Variants in TNRC6C observed in about 807,000 individuals in gnomAD.
TNRC6C encodes trinucleotide repeat containing adaptor 6C.
In TNRC6C, 20 loss-of-function variants were observed where a neutral mutation model predicts 153.7. That is an observed-to-expected ratio of 0.13 (90% CI 0.09 to 0.19). TNRC6C has a LOEUF of 0.19. Among genes scored for constraint, TNRC6C ranks in the 10% least tolerant of loss-of-function variants. The pLI, the probability that TNRC6C is intolerant of heterozygous loss-of-function variation, is 1.00. For missense variants in TNRC6C, 1,987 were observed against 2,172.0 expected (o/e 0.91, Z 1.69); for synonymous variants, 811 against 841.4 (o/e 0.96, Z 0.63).
At chr17:78,080,516 C>T (rs1048234843) in intron 10 of TNRC6C, among the ~76,000 whole-genome samples, 4 of 152,186 alleles carry the variant, frequency 2.6e-5, no homozygotes, top group Non-Finnish European at 5.9e-5. Flanking sequence ...TGGCATGGCT[C>T]TGAGGCCTAA....
chr17:78,040,013 A>G (rs2072261712), intron 2 of TNRC6C, among the ~76,000 whole-genome samples: 1 of 152,244 alleles, frequency 6.6e-6, no homozygotes, highest in Admixed American at 6.5e-5. Context: ...GGGCTTCTGC[A>G]AGACAGGTAG....
chr17:77,996,098 T>C (rs1183114601), intron 1 of TNRC6C, among the ~76,000 whole-genome samples: 1 of 152,152 alleles, frequency 6.6e-6, no homozygotes, highest in African/African-American at 2.4e-5. Flanking sequence ...TCCTCCCATA[T>C]TTGTAATGGA....
exon 3 of TNRC6C, chr17:78,050,248 A>T: frequency 6.5e-7 from 1 of 1,540,882 alleles, no homozygotes; most frequent in Non-Finnish European, 8.7e-7. Flanking sequence ...AACTACAGCA[A>T]GTGAAGGAAG....
intron 9 of TNRC6C, among the ~76,000 whole-genome samples, chr17:78,078,011 G>GACAC (rs146186006): frequency 4.1e-4 from 62 of 151,742 alleles, no homozygotes; most frequent in African/African-American, 1.4e-3. Flanking sequence ...GGATGAGGTT[G>GACAC]ACACACACAC....
intron 1 of TNRC6C, among the ~76,000 whole-genome samples, chr17:77,985,143 T>G (rs550543465): frequency 6.6e-6 from 1 of 152,286 alleles, no homozygotes; most frequent in East Asian, 1.9e-4. Flanking sequence ...TACCACAAAC[T>G]TAAGAGGTTT....
In TNRC6C at chr17:78,091,412, C is replaced by T. The variant is rs183906181; in HGVS notation, c.3803-28C>T. ...GAATGAAGTCATTTAGAGGAGCAGG[C>T]GAATCCTAACCGCATCTCTCTCTTT... On this transcript the variant is annotated intron_variant, in intron 13 of 19. Transcript: ENST00000301624. The T allele has an allele frequency of 1.8e-4, 280 of 1,549,426 alleles. 1 individual carries two copies. The African/African-American group carries it at 3.4e-3, about 19-fold the overall frequency.
chr17:78,024,455 C>T (rs1278382078), intron 1 of TNRC6C, among the ~76,000 whole-genome samples: 1 of 151,996 alleles, frequency 6.6e-6, no homozygotes, highest in African/African-American at 2.4e-5. Flanking sequence ...CAAGCTTCGC[C>T]TCCCAGGTTC....
At chr17:78,040,335 A>G (rs189439072) in intron 2 of TNRC6C, among the ~76,000 whole-genome samples, 1 of 152,186 alleles carries the variant, frequency 6.6e-6, no homozygotes, top group Non-Finnish European at 1.5e-5. Flanking sequence ...TATCTTTAAA[A>G]AATAATAATA....
At chr17:77,992,106 C>T (rs1390133510) in intron 1 of TNRC6C, among the ~76,000 whole-genome samples, 1 of 152,164 alleles carries the variant, frequency 6.6e-6, no homozygotes, top group African/African-American at 2.4e-5. Context: ...TTAGTTTTTC[C>T]AAAGACTGTC....
chr17:78,008,744 A>G (rs1196814534), intron 1 of TNRC6C: 7 of 152,208 alleles, frequency 4.6e-5, no homozygotes, highest in Non-Finnish European at 8.8e-5. Context: ...ATGAAAAACA[A>G]AAGTTATATA....
intron 1 of TNRC6C, among the ~76,000 whole-genome samples, chr17:78,011,652 C>T (rs2071633715): frequency 6.6e-6 from 1 of 152,208 alleles, no homozygotes; most frequent in South Asian, 2.1e-4. Flanking sequence ...CATTTATGTA[C>T]AAGTCTTATA....
intron 1 of TNRC6C, among the ~76,000 whole-genome samples, chr17:78,025,404 C>G (rs1322194632): frequency 6.6e-6 from 1 of 152,184 alleles, no homozygotes; most frequent in African/African-American, 2.4e-5. Context: ...TATAGTTCCT[C>G]TATGTTTTCA....
At position 77,976,790 on chromosome 17, in the gene TNRC6C, G is replaced by A. The variant is rs575645264; in HGVS notation, c.-38+17522G>A. The stretch of plus-strand genomic sequence containing the variant: ...CTAAAAATACAAAAATTATCTGGGC[G>A]TGGTGGCAGGTGCTTATAATCCCAG... On this transcript the variant is annotated intron_variant, in intron 1 of 22. Coordinates refer to the TNRC6C transcript ENST00000636222. Among the ~76,000 whole-genome samples the A allele has an allele frequency of 2.7e-3, 403 of 152,000 alleles. 1 individual carries two copies. Among genetic ancestry groups the A allele is most frequent in the Non-Finnish European group, 3.3e-3 (224 of 67,964 alleles).
chr17:78,062,550 T>A (rs1240391551), intron 3 of TNRC6C, among the ~76,000 whole-genome samples: 1 of 152,248 alleles, frequency 6.6e-6, no homozygotes, highest in Admixed American at 6.5e-5. Context: ...TATATTTCTG[T>A]CTGAGCAAAA....
exon 9 of TNRC6C, chr17:78,077,190 C>T (rs759205577): frequency 2.5e-6 from 4 of 1,599,384 alleles, no homozygotes; most frequent in East Asian, 4.5e-5. Flanking sequence ...ATCAGGATGG[C>T]GGCCTCGTGG....
At chr17:78,022,895 CTTT>C (rs761533707) in intron 1 of TNRC6C, among the ~76,000 whole-genome samples, 2 of 152,082 alleles carry the variant, frequency 1.3e-5, no homozygotes, top group Non-Finnish European at 2.9e-5. Flanking sequence ...ATGTGCAGAC[CTTT>C]TTTTCTTATT....
chr17:78,091,365 T>G (rs1260073346), intron 13 of TNRC6C, 75 bp from the exon 16 acceptor site: 1 of 1,376,688 alleles, frequency 7.3e-7, no homozygotes, highest in Admixed American at 3.1e-5. Flanking sequence ...AAGACTGAAA[T>G]AGCTTCTATA....
At chr17:78,092,993 A>G (rs774463438) in exon 15 of TNRC6C, 15 of 1,613,848 alleles carry the variant, frequency 9.3e-6, no homozygotes, top group East Asian at 2.2e-5. Context: ...GATGACTCCT[A>G]TGGCCGGTAC....
intron 3 of TNRC6C, among the ~76,000 whole-genome samples, chr17:78,060,189 G>A (rs111587793): frequency 0.014 from 2,157 of 152,242 alleles, 17 homozygotes; most frequent in Middle Eastern, 0.048. Flanking sequence ...CTGTACTCTT[G>A]TATAATGAGC....
Sources: gnomAD v4.1 joint callset for allele counts (sites outside exome capture counted in the v4.1 genomes callset) on GRCh38, gnomAD v4.1.1 for gene constraint, MANE v1.5 for transcripts, NCBI Gene and HGNC (gene_info 2026-07-23, HGNC 2026-07-21) for gene names.